The following NRXN3 variants were observed in gnomAD, a reference collection of about 807,000 sequenced individuals.
The protein encoded by NRXN3 is neurexin III.
Under a neutral mutation model 137.6 loss-of-function variants are expected in NRXN3, and 32 were observed. That is an observed-to-expected ratio of 0.23 (90% CI 0.18 to 0.31). The LOEUF (loss-of-function observed/expected upper bound fraction) is 0.31. Ranked by LOEUF, NRXN3 falls within the 10% of genes least tolerant of loss-of-function variation. The pLI is 1.00. For missense variants in NRXN3, 1,574 were observed against 2,062.5 expected (o/e 0.76, Z 4.59); for synonymous variants, 798 against 784.5 (o/e 1.02, Z -0.29).
intron 4 of NRXN3, among the ~76,000 whole-genome samples, chr14:78,523,852 A>G (rs1258459951): frequency 6.8e-6 from 1 of 148,068 alleles, no homozygotes; most frequent in Non-Finnish European, 1.5e-5. Flanking sequence ...AAAAGAATAC[A>G]AGAGAGTGTG....
Position 79,834,893 on chromosome 14 carries a change from C to G in NRXN3, c.4094-26449C>G, listed in dbSNP as rs983881506. ...AGTGTTCTTTTTCGTTTCATGCCAC[C>G]AGTGACAATACGAAACCAGATCTAA... is the stretch of plus-strand genomic sequence containing the variant. On this transcript the variant is annotated intron_variant, in intron 20 of 20. Transcript: ENST00000335750. Among the ~76,000 whole-genome samples, 2 of 152,032 alleles carry G rather than the reference C, an allele frequency of 1.3e-5. 1 individual carries two copies. Among genetic ancestry groups the G allele is most frequent in the Admixed American group, 1.3e-4 (2 of 15,226 alleles).
chr14:78,488,309 G>A (rs1457168314), intron 4 of NRXN3, among the ~76,000 whole-genome samples: 1 of 152,144 alleles, frequency 6.6e-6, no homozygotes, highest in African/African-American at 2.4e-5. Context: ...ATGAATTTGG[G>A]TAGGAGGCAG....
Position 78,811,079 on chromosome 14 carries a change from A to G in NRXN3, c.2275+735A>G, listed in dbSNP as rs2098909912. On this transcript the variant is annotated intron_variant, in intron 10 of 20. Transcript: ENST00000335750. The stretch of plus-strand genomic sequence containing the variant: ...ATGAAGATAAATAGGAAGAATAGGC[A>G]CAAGAGAAAGAATAGGCCTAGATGA... Among the ~76,000 whole-genome samples the G allele has an allele frequency of 2.6e-5, 4 of 152,250 alleles. No individual in the cohort carries two copies. In the South Asian group the frequency reaches 6.2e-4, roughly 24 times the overall value.
chr14:78,592,983 G>A (rs940983984), intron 4 of NRXN3, among the ~76,000 whole-genome samples: 2 of 152,270 alleles, frequency 1.3e-5, no homozygotes, highest in African/African-American at 4.8e-5. Flanking sequence ...TCGGCAGAGC[G>A]ACCTTGCTCC....
At chr14:79,060,414 A>G (rs1240143722) in intron 15 of NRXN3, among the ~76,000 whole-genome samples, 1 of 152,178 alleles carries the variant, frequency 6.6e-6, no homozygotes, top group African/African-American at 2.4e-5. Flanking sequence ...CCTATGGTAC[A>G]TGTTCCTTAT....
chr14:79,063,927 T>G (rs969517705), intron 15 of NRXN3, among the ~76,000 whole-genome samples: 4 of 152,210 alleles, frequency 2.6e-5, no homozygotes, highest in Non-Finnish European at 4.4e-5. Flanking sequence ...TCTTTTTATC[T>G]TAGCCAATAT....
At chr14:78,234,810 T>C (rs61975993) in intron 1 of NRXN3, among the ~76,000 whole-genome samples, 44,385 of 151,594 alleles carry the variant, frequency 0.29, 7,013 homozygotes, top group African/African-American at 0.42. Context: ...ACAAAATAAA[T>C]GAAAAACTTT....
intron 16 of NRXN3, among the ~76,000 whole-genome samples, chr14:79,632,006 C>A (rs1207046433): frequency 1.3e-5 from 2 of 152,170 alleles, no homozygotes; most frequent in Non-Finnish European, 1.5e-5. Context: ...GAAATAAAAG[C>A]AGGCCACCTG....
At chr14:78,592,087 T>C (rs2097122851) in intron 4 of NRXN3, among the ~76,000 whole-genome samples, 1 of 152,194 alleles carries the variant, frequency 6.6e-6, no homozygotes, top group African/African-American at 2.4e-5. Flanking sequence ...TAAACAGGTC[T>C]TGAAAATGTA....
Position 78,660,253 on chromosome 14 carries a change from T to TTATATATATATATATATA in NRXN3, c.1221+8933_1221+8950dup, listed in dbSNP as rs373491178. Among the ~76,000 whole-genome samples the TTATATATATATATATATA allele has an allele frequency of 2.1e-3, 296 of 139,678 alleles. 2 individuals carry two copies. The highest frequency in any genetic ancestry group is 0.021 in the East Asian group (96 of 4,576). The allele number at this position is 139,678 out of a possible 152,430, so 91.6% of individuals were successfully genotyped here. On this transcript the variant is annotated intron_variant, in intron 6 of 20. Transcript: ENST00000335750. The stretch of plus-strand genomic sequence containing the variant: ...ATGGGTTGTTGATGAAGAAGTAGAT[T>TTATATATATATATATATA]TATATATATATATATATATATATTT...
Position 79,356,892 on chromosome 14 carries a change from C to A in NRXN3, c.3263-110329C>A, listed in dbSNP as rs541287242. On this transcript the variant is annotated intron_variant, in intron 15 of 20. Coordinates refer to ENST00000335750, the MANE Select transcript of NRXN3 (RefSeq NM_001330195.2). The stretch of plus-strand genomic sequence containing the variant: ...TACAGGTGGGTGCCACCAGGCCTAG[C>A]TAATTTTTGTATTTTTAGTAGAGGC... Among the ~76,000 whole-genome samples, 4 of 152,170 alleles carry A rather than the reference C, an allele frequency of 2.6e-5. No individual in the cohort carries two copies. In the South Asian group the frequency reaches 8.3e-4, roughly 32 times the overall value.
At chr14:79,493,098 T>A (rs2096732989) in intron 16 of NRXN3, among the ~76,000 whole-genome samples, 1 of 152,120 alleles carries the variant, frequency 6.6e-6, no homozygotes, top group South Asian at 2.1e-4. Context: ...TTAATTCAAG[T>A]TGGGACACAG....
chr14:78,361,870 C>T (rs933993388), intron 4 of NRXN3, among the ~76,000 whole-genome samples: 1 of 151,990 alleles, frequency 6.6e-6, no homozygotes, highest in African/African-American at 2.4e-5. Context: ...AGGTACTTTT[C>T]AAAGGCTAAG....
At chr14:78,952,204 G>C (rs1026806028) in intron 10 of NRXN3, among the ~76,000 whole-genome samples, 39 of 151,634 alleles carry the variant, frequency 2.6e-4, no homozygotes, top group African/African-American at 7.8e-4. Flanking sequence ...TCTGCCAAAC[G>C]GGCTCTAAAA....
chr14:78,471,554 C>T (rs1443117914), intron 4 of NRXN3, among the ~76,000 whole-genome samples: 2 of 152,084 alleles, frequency 1.3e-5, no homozygotes, highest in Non-Finnish European at 2.9e-5. Flanking sequence ...GCTTTTTTTG[C>T]TTTAGGGCAT....
At chr14:79,062,612 AC>A (rs1243230840) in intron 15 of NRXN3, among the ~76,000 whole-genome samples, 3 of 152,182 alleles carry the variant, frequency 2.0e-5, no homozygotes, top group Non-Finnish European at 4.4e-5. Context: ...TTGTCAGGAC[AC>A]AAAGTGCGTC....
At chr14:79,527,475 T>TA (rs1640999131) in intron 16 of NRXN3, among the ~76,000 whole-genome samples, 1 of 151,814 alleles carries the variant, frequency 6.6e-6, no homozygotes, top group Admixed American at 6.6e-5. Context: ...TCAGGGAAGA[T>TA]AAAAAATATT....
chr14:78,893,566 T>C (rs1198918545), intron 10 of NRXN3, among the ~76,000 whole-genome samples: 1 of 151,970 alleles, frequency 6.6e-6, no homozygotes, highest in Admixed American at 6.6e-5. Context: ...AAGGCTCCAC[T>C]AGACCCTAAT....
At chr14:79,135,657 T>C (rs1222267500) in intron 15 of NRXN3, among the ~76,000 whole-genome samples, 1 of 152,222 alleles carries the variant, frequency 6.6e-6, no homozygotes, top group Non-Finnish European at 1.5e-5. Flanking sequence ...TTGACTCTCA[T>C]TTGAATTATT....
Sources: allele counts gnomAD v4.1 joint callset (sites outside exome capture counted in the v4.1 genomes callset), GRCh38; gene constraint gnomAD v4.1.1; transcripts MANE v1.5; gene names NCBI Gene and HGNC (gene_info 2026-07-23, HGNC 2026-07-21).